The following ETV6 variants were observed in gnomAD, a reference collection of about 807,000 sequenced individuals.
ETV6 encodes transcription factor ETV6.
A neutral mutation model predicts 51.1 loss-of-function variants in ETV6; 16 were observed. The observed-to-expected ratio is 0.31, with a 90% CI of 0.21 to 0.48. ETV6 has a LOEUF of 0.48. Ranked by LOEUF, ETV6 falls within the 20% of genes least tolerant of loss-of-function variation. ETV6 has a pLI of 0.99. For missense variants in ETV6, 458 were observed against 594.8 expected (o/e 0.77, Z 2.39); for synonymous variants, 240 against 224.1 (o/e 1.07, Z -0.64).
intron 1 of ETV6, among the ~76,000 whole-genome samples, chr12:11,653,244 C>T (rs1157314145): frequency 6.6e-6 from 1 of 152,226 alleles, no homozygotes; most frequent in Non-Finnish European, 1.5e-5. Context: ...TCTTTTCCAT[C>T]ATCAGCCTTC....
chr12:11,746,314 C>G (rs1419213181), intron 1 of ETV6, among the ~76,000 whole-genome samples: 3 of 152,202 alleles, frequency 2.0e-5, no homozygotes, highest in Non-Finnish European at 4.4e-5. Flanking sequence ...CAAATACCAG[C>G]CACACCATCT....
At chr12:11,707,978 C>A (rs550812444) in intron 1 of ETV6, among the ~76,000 whole-genome samples, 55 of 152,336 alleles carry the variant, frequency 3.6e-4, no homozygotes, top group African/African-American at 1.3e-3. Context: ...CGTTTGAAGT[C>A]TATCTTTTCT....
At chr12:11,696,956 A>C (rs138491458) in intron 1 of ETV6, among the ~76,000 whole-genome samples, 2 of 152,368 alleles carry the variant, frequency 1.3e-5, no homozygotes, top group Non-Finnish European at 2.9e-5. Flanking sequence ...TTTGGCTGAC[A>C]CATGATTGAT....
intron 3 of ETV6, among the ~76,000 whole-genome samples, chr12:11,849,251 T>G (rs1053009681): frequency 2.6e-5 from 4 of 151,960 alleles, no homozygotes; most frequent in African/African-American, 9.7e-5. Context: ...GCCGGGACAA[T>G]GGGCACGCAT....
intron 1 of ETV6, among the ~76,000 whole-genome samples, chr12:11,713,117 G>A (rs1398694588): frequency 6.6e-6 from 1 of 152,196 alleles, no homozygotes; most frequent in Non-Finnish European, 1.5e-5. Flanking sequence ...CCTGATGCCA[G>A]TCAGGATAGA....
chr12:11,680,004 A>G (rs1020829517), intron 1 of ETV6, among the ~76,000 whole-genome samples: 1 of 152,214 alleles, frequency 6.6e-6, no homozygotes, highest in Admixed American at 6.5e-5. Context: ...GTCCTTGGAT[A>G]AGACTCTTAC....
At chr12:11,811,882 T>G (rs543930210) in intron 2 of ETV6, among the ~76,000 whole-genome samples, 1 of 152,186 alleles carries the variant, frequency 6.6e-6, no homozygotes, top group African/African-American at 2.4e-5. Flanking sequence ...AAACCTGTGC[T>G]GGTCCTGCTA....
At chr12:11,851,262 C>T (rs1277842070) in intron 3 of ETV6, among the ~76,000 whole-genome samples, 2 of 150,940 alleles carry the variant, frequency 1.3e-5, no homozygotes, top group African/African-American at 4.9e-5. Flanking sequence ...TAGTAATCAT[C>T]AGGAACACAT....
intron 4 of ETV6, among the ~76,000 whole-genome samples, chr12:11,863,479 C>T (rs567747906): frequency 5.9e-5 from 9 of 152,194 alleles, no homozygotes; most frequent in Non-Finnish European, 1.2e-4. Context: ...TCCCTTCCTT[C>T]TGTGCCCACA....
intron 2 of ETV6, among the ~76,000 whole-genome samples, chr12:11,821,081 G>T (rs1402051338): frequency 1.3e-5 from 2 of 152,158 alleles, no homozygotes; most frequent in Non-Finnish European, 2.9e-5. Context: ...AGAAACAAGG[G>T]GCTGGGCACG....
chr12:11,887,757 A>C (rs1947220446), intron 7 of ETV6, among the ~76,000 whole-genome samples: 1 of 151,724 alleles, frequency 6.6e-6, no homozygotes. Context: ...AAGAAAAAAA[A>C]AAAAAAAAGA....
At chr12:11,870,614 C>G (rs936942136) in intron 5 of ETV6, among the ~76,000 whole-genome samples, 1 of 152,206 alleles carries the variant, frequency 6.6e-6, no homozygotes. Context: ...TTTACATGAA[C>G]TCATTCTTCA....
intron 3 of ETV6, among the ~76,000 whole-genome samples, chr12:11,848,061 CAAA>C (rs1246721352): frequency 6.6e-6 from 1 of 152,114 alleles, no homozygotes; most frequent in African/African-American, 2.4e-5. Flanking sequence ...AGTACTGAAA[CAAA>C]GAACATTTTT....
chr12:11,676,507 G>A (rs60499077), intron 1 of ETV6, among the ~76,000 whole-genome samples: 11,162 of 152,166 alleles, frequency 0.073, 1,338 homozygotes, highest in African/African-American at 0.25. Flanking sequence ...TTCTACAGAG[G>A]TGCCATCCTC....
intron 5 of ETV6, among the ~76,000 whole-genome samples, chr12:11,882,155 G>T (rs1591747263): frequency 6.6e-6 from 1 of 152,304 alleles, no homozygotes; most frequent in South Asian, 2.1e-4. Context: ...CAGAAGAAAG[G>T]ATTCCATAAG....
chr12:11,756,579 T>C (rs1945010888), intron 2 of ETV6, among the ~76,000 whole-genome samples: 1 of 152,220 alleles, frequency 6.6e-6, no homozygotes, highest in Non-Finnish European at 1.5e-5. Context: ...GCAAGGTCAC[T>C]CTTGACTCTA....
intron 1 of ETV6, among the ~76,000 whole-genome samples, chr12:11,700,740 T>A (rs530879958): frequency 2.0e-5 from 3 of 152,258 alleles, no homozygotes; most frequent in South Asian, 2.1e-4. Context: ...CTTCATCATC[T>A]TCATGTTGAG....
chr12:11,809,429 T>G (rs944609642), intron 2 of ETV6, among the ~76,000 whole-genome samples: 3 of 152,214 alleles, frequency 2.0e-5, no homozygotes, highest in Admixed American at 6.5e-5. Flanking sequence ...TATCAGCTAT[T>G]GATTTCCTCT....
At position 11,869,369 on chromosome 12, in the gene ETV6, T is replaced by C; in HGVS notation, c.464-55T>C. On this transcript the variant is annotated intron_variant, in intron 4 of 7. Coordinates refer to ENST00000396373, the MANE Select transcript of ETV6 (RefSeq NM_001987.5). The surrounding 1 kb of genome is among the most constrained non-coding windows in gnomAD (Gnocchi z 5.0). ...TACCGCCTGTAGAGCCGCAGGGAGTTTCCTGTCCTGCCAACTCACTGGGGT... is the reference window on the plus strand; with the variant it reads ...TACCGCCTGTAGAGCCGCAGGGAGTCTCCTGTCCTGCCAACTCACTGGGGT... 3.3e-6 allele frequency: 5 copies of C among 1,530,900 alleles called. No homozygotes were observed. The highest frequency in any genetic ancestry group is 4.4e-6 in the Non-Finnish European group (5 of 1,128,556). The allele number at this position is 1,530,900 out of a possible 1,614,324, so 94.8% of individuals were successfully genotyped here.
Sources: gnomAD v4.1 joint callset for allele counts (sites outside exome capture counted in the v4.1 genomes callset) on GRCh38, gnomAD v4.1.1 for gene constraint, Gnocchi (gnomAD v3.1) non-coding constraint, MANE v1.5 for transcripts, NCBI Gene and HGNC (gene_info 2026-07-23, HGNC 2026-07-21) for gene names.